SHISA9: variants seen among roughly 807,000 people sequenced by gnomAD.
The protein encoded by SHISA9 is shisa family member 9, also known as protein shisa-9.
Under a neutral mutation model 38.0 loss-of-function variants are expected in SHISA9, and 13 were observed. The observed-to-expected ratio is 0.34, with a 90% CI of 0.22 to 0.54. The LOEUF (loss-of-function observed/expected upper bound fraction) is 0.54. Among genes scored for constraint, SHISA9 ranks in the 20% least tolerant of loss-of-function variants. SHISA9 has a pLI of 0.91. For missense variants in SHISA9, 538 were observed against 575.8 expected, an observed-to-expected ratio of 0.93 and a Z score of 0.67; for synonymous variants, 275 against 242.0, an observed-to-expected ratio of 1.14 and a Z score of -1.27.
intron 2 of SHISA9, among the ~76,000 whole-genome samples, chr16:12,998,379 C>T (rs972934738): frequency 2.0e-5 from 3 of 152,200 alleles, no homozygotes; most frequent in African/African-American, 7.2e-5. Flanking sequence ...AACAGCTTTT[C>T]CCGATGTGGT....
chr16:13,328,358 G>T, the SHISA9 span, among the ~76,000 whole-genome samples: 1 of 151,894 alleles, frequency 6.6e-6, no homozygotes, highest in African/African-American at 2.4e-5. Context: ...CTACCCACCA[G>T]GGGGTTTGAA....
At chr16:13,075,063 A>C (rs2073565374) in intron 2 of SHISA9, among the ~76,000 whole-genome samples, 1 of 152,102 alleles carries the variant, frequency 6.6e-6, no homozygotes. Context: ...CCCAGTTAGG[A>C]CCCTATATCT....
At chr16:13,323,150 T>C in the SHISA9 span, among the ~76,000 whole-genome samples, 1 of 152,128 alleles carries the variant, frequency 6.6e-6, no homozygotes, top group African/African-American at 2.4e-5. Flanking sequence ...TTAAAGGAGG[T>C]AATTTATGGA....
chr16:12,902,490 G>T lies in SHISA9; in HGVS notation c.426G>T (p.Leu142Phe). The change falls in exon 1 of 5, where the codon TTG becomes TTT. Residue 142 changes from leucine (L) to phenylalanine (F), a missense_variant. By Grantham distance (22) the Leu-to-Phe change is conservative. Coordinates refer to ENST00000558583, the MANE Select transcript of SHISA9 (RefSeq NM_001145204.3). ...CCCCCGCCCGCAAGGACGACCCCTT[G>T]CACGACCCCACCAAGGACAAGACCA... ...GKPPARKDDPLHDPTKDKTNL... is the reference protein window; with the variant it reads ...GKPPARKDDPFHDPTKDKTNL... The T allele has an allele frequency of 6.4e-7, 1 of 1,551,512 alleles. No homozygotes were observed.
chr16:12,912,120 T>C (rs2071191828), intron 1 of SHISA9, among the ~76,000 whole-genome samples: 1 of 151,878 alleles, frequency 6.6e-6, no homozygotes, highest in Non-Finnish European at 1.5e-5. Flanking sequence ...TCAATACACG[T>C]AAGACCATAC....
the SHISA9 span, among the ~76,000 whole-genome samples, chr16:13,453,262 G>C: frequency 7.4e-4 from 113 of 152,232 alleles, 1 homozygote; most frequent in East Asian, 0.017. Context: ...TGTGTCCCAG[G>C]CTCCTTATTG....
chr16:13,212,026 G>A (rs2051124933), intron 3 of SHISA9, among the ~76,000 whole-genome samples: 2 of 152,168 alleles, frequency 1.3e-5, no homozygotes, highest in Non-Finnish European at 2.9e-5. Context: ...GTGATGAGGG[G>A]TGTACAGTTC....
At chr16:13,158,729 C>G (rs1044348286) in intron 2 of SHISA9, among the ~76,000 whole-genome samples, 2 of 152,010 alleles carry the variant, frequency 1.3e-5, no homozygotes, top group African/African-American at 4.8e-5. Context: ...GGGGAGCTCC[C>G]AAACATAGGA....
chr16:12,974,357 G>A (rs1280367431), intron 2 of SHISA9, among the ~76,000 whole-genome samples: 3 of 151,944 alleles, frequency 2.0e-5, no homozygotes, highest in Non-Finnish European at 4.4e-5. Context: ...AAAGAAGGAG[G>A]CATGGAAACC....
At position 12,932,419 on chromosome 16, in the gene SHISA9, G is replaced by A. The variant is rs138814289; in HGVS notation, c.691+15604G>A. ...TGCAGTGGTGCGATCTGGACTCACT[G>A]CAACCTCTGCCTCCCAGGTTCAAGA... On this transcript the variant is annotated intron_variant, in intron 2 of 4. Transcript: ENST00000558583. Among the ~76,000 whole-genome samples the A allele has an allele frequency of 5.1e-3, 772 of 152,230 alleles. 4 individuals are homozygous for A. The highest frequency in any genetic ancestry group is 0.021 in the South Asian group (100 of 4,828).
intron 2 of SHISA9, among the ~76,000 whole-genome samples, chr16:12,971,799 T>C (rs969168911): frequency 1.3e-5 from 2 of 152,158 alleles, no homozygotes; most frequent in African/African-American, 4.8e-5. Flanking sequence ...AAAGCTAATA[T>C]AATAAAGACC....
chr16:13,381,786 G>A, the SHISA9 span, among the ~76,000 whole-genome samples: 2 of 152,264 alleles, frequency 1.3e-5, no homozygotes, highest in South Asian at 4.1e-4. Flanking sequence ...ATTGTGCCTG[G>A]AGCAGGACTT....
intron 2 of SHISA9, among the ~76,000 whole-genome samples, chr16:13,171,748 T>G (rs1485609953): frequency 3.3e-5 from 5 of 152,106 alleles, no homozygotes; most frequent in East Asian, 1.9e-4. Context: ...GGGTAAGGAC[T>G]GTCATCTTTA....
At chr16:13,301,669 A>G in the SHISA9 span, among the ~76,000 whole-genome samples, 2 of 152,212 alleles carry the variant, frequency 1.3e-5, no homozygotes, top group Non-Finnish European at 1.5e-5. Context: ...GTTGACTTAA[A>G]TAAAATTATT....
intron 4 of SHISA9, among the ~76,000 whole-genome samples, chr16:13,229,879 A>G (rs2051314342): frequency 6.6e-6 from 1 of 152,198 alleles, no homozygotes; most frequent in African/African-American, 2.4e-5. Context: ...GTGCTAATGA[A>G]GGGGATAGAC....
At chr16:13,449,244 G>A in the SHISA9 span, among the ~76,000 whole-genome samples, 1 of 152,162 alleles carries the variant, frequency 6.6e-6, no homozygotes, top group Admixed American at 6.5e-5. Context: ...AACAAAGACA[G>A]CAAGAAATAG....
chr16:12,991,278 G>C (rs560693231), intron 2 of SHISA9, among the ~76,000 whole-genome samples: 1 of 152,078 alleles, frequency 6.6e-6, no homozygotes, highest in African/African-American at 2.4e-5. Flanking sequence ...TATTTCAAAG[G>C]CAACTCAGAA....
At chr16:13,066,840 G>T (rs1021441750) in intron 2 of SHISA9, among the ~76,000 whole-genome samples, 1 of 152,174 alleles carries the variant, frequency 6.6e-6, no homozygotes, top group Non-Finnish European at 1.5e-5. Flanking sequence ...CTTGTCAAAG[G>T]TCCCTTAGCA....
At chr16:13,366,345 A>G in the SHISA9 span, among the ~76,000 whole-genome samples, 1 of 152,230 alleles carries the variant, frequency 6.6e-6, no homozygotes, top group African/African-American at 2.4e-5. Flanking sequence ...TCTAAAAAGA[A>G]TGCAAGCAAA....
Sources: gnomAD v4.1 joint callset for allele counts (sites outside exome capture counted in the v4.1 genomes callset) on GRCh38, gnomAD v4.1.1 for gene constraint, MANE v1.5 for transcripts, NCBI Gene and HGNC (gene_info 2026-07-23, HGNC 2026-07-21) for gene names.